The following EZH2 variants were observed in gnomAD, a reference collection of about 807,000 sequenced individuals.
EZH2 encodes the protein histone-lysine N-methyltransferase EZH2.
Under a neutral mutation model 98.4 loss-of-function variants are expected in EZH2, and 18 were observed. The ratio of observed to expected loss-of-function variants is 0.18; its 90% CI spans 0.13 to 0.27. EZH2 has a LOEUF of 0.27. EZH2 is among the 10% of genes least tolerant of loss of function. The pLI is 1.00. For synonymous variants in EZH2, 338 were observed against 312.3 expected (o/e 1.08, Z -0.87); for missense variants, 470 against 935.1 (o/e 0.50, Z 6.49).
intron 1 of EZH2, among the ~76,000 whole-genome samples, chr7:148,863,471 T>A (rs1356899304): frequency 2.0e-5 from 3 of 152,164 alleles, no homozygotes; most frequent in African/African-American, 7.2e-5. Context: ...TGCCTCTGTT[T>A]TCACTTATCT....
At chr7:148,842,682 C>CA (rs755580651) in intron 3 of EZH2, among the ~76,000 whole-genome samples, 9 of 151,998 alleles carry the variant, frequency 5.9e-5, no homozygotes, top group Non-Finnish European at 1.0e-4. Flanking sequence ...TAAAAGTAAA[C>CA]ACATTCTGTA....
intron 15 of EZH2, among the ~76,000 whole-genome samples, chr7:148,813,052 T>TACACACAC (rs142835355): frequency 2.3e-5 from 3 of 132,108 alleles, no homozygotes; most frequent in African/African-American, 3.2e-5. Context: ...ACACCCCACA[T>TACACACAC]ACACACACAC....
intron 17 of EZH2, among the ~76,000 whole-genome samples, chr7:148,809,628 C>G (rs1302761037): frequency 6.8e-6 from 1 of 147,032 alleles, no homozygotes; most frequent in East Asian, 2.0e-4. Context: ...TATTAATTAT[C>G]AACTATAAAC....
At chr7:148,866,594 C>G (rs547179376) in intron 1 of EZH2, among the ~76,000 whole-genome samples, 1 of 108,308 alleles carries the variant, frequency 9.2e-6, no homozygotes, top group South Asian at 2.9e-4. Context: ...ATATTGTATA[C>G]ACTATATATT....
At chr7:148,832,205 C>T (rs1331737943) in intron 4 of EZH2, among the ~76,000 whole-genome samples, 2 of 152,190 alleles carry the variant, frequency 1.3e-5, no homozygotes, top group Non-Finnish European at 2.9e-5. Flanking sequence ...CCACCTCAGC[C>T]TCCTGAGTAG....
intron 1 of EZH2, among the ~76,000 whole-genome samples, chr7:148,878,963 G>A (rs1242716976): frequency 1.3e-5 from 2 of 150,936 alleles, no homozygotes; most frequent in Non-Finnish European, 3.0e-5. Flanking sequence ...AGTAGCTCAC[G>A]CCTGTAATCC....
chr7:148,811,956 G>T, intron 15 of EZH2: 1 of 468,722 alleles, frequency 2.1e-6, no homozygotes, highest in Non-Finnish European at 3.9e-6. Flanking sequence ...AAACCTTTTG[G>T]TGGTGTTGGT....
intron 1 of EZH2, among the ~76,000 whole-genome samples, chr7:148,868,966 AT>A (rs1818933890): frequency 6.6e-6 from 1 of 152,254 alleles, no homozygotes; most frequent in African/African-American, 2.4e-5. Flanking sequence ...GCAAAGGTAA[AT>A]TCTATAAGAA....
intron 11 of EZH2, 99 bp downstream of exon 11, chr7:148,817,123 G>T: frequency 1.8e-6 from 2 of 1,133,242 alleles, no homozygotes; most frequent in Non-Finnish European, 2.4e-6. Context: ...ATGAATAGGA[G>T]CTTAGTAATA....
At chr7:148,835,071 T>C (rs1810518160) in intron 3 of EZH2, among the ~76,000 whole-genome samples, 1 of 152,220 alleles carries the variant, frequency 6.6e-6, no homozygotes, top group African/African-American at 2.4e-5. Flanking sequence ...GTTCTTGCCC[T>C]TGCAATGCTC....
chr7:148,859,538 A>AAC (rs1478337839), intron 1 of EZH2, among the ~76,000 whole-genome samples: 3 of 105,804 alleles, frequency 2.8e-5, no homozygotes, highest in Admixed American at 1.9e-4. Flanking sequence ...ACAACAACAA[A>AAC]GTAAAATGTT....
chr7:148,817,680 G>T, intron 10 of EZH2, 197 bp downstream of exon 10: 1 of 768,496 alleles, frequency 1.3e-6, no homozygotes, highest in Non-Finnish European at 2.1e-6. Context: ...AAACAACCAA[G>T]CAGGGCAAAC....
intron 1 of EZH2, among the ~76,000 whole-genome samples, chr7:148,882,020 G>A (rs73471871): frequency 0.011 from 1,632 of 149,526 alleles, 27 homozygotes; most frequent in African/African-American, 0.038. Context: ...TAAAATATCC[G>A]AATTTCTGCC....
At chr7:148,835,748 G>A (rs943498389) in intron 3 of EZH2, among the ~76,000 whole-genome samples, 7 of 152,112 alleles carry the variant, frequency 4.6e-5, no homozygotes, top group Non-Finnish European at 1.0e-4. Context: ...GGAGTGGGCT[G>A]CCTCTCCGAC....
intron 15 of EZH2, among the ~76,000 whole-genome samples, chr7:148,813,365 C>G (rs886767339): frequency 6.6e-6 from 1 of 151,162 alleles, no homozygotes; most frequent in East Asian, 1.9e-4. Flanking sequence ...TTCCCAAATA[C>G]ATGCTGCTGA....
chr7:148,866,646 A>G (rs1166779195), intron 1 of EZH2, among the ~76,000 whole-genome samples: 1 of 146,896 alleles, frequency 6.8e-6, no homozygotes, highest in African/African-American at 2.5e-5. Context: ...ACATATACAT[A>G]TACGTATATA....
At chr7:148,830,088 AGTCT>A (rs1327689752) in intron 4 of EZH2, among the ~76,000 whole-genome samples, 1 of 152,246 alleles carries the variant, frequency 6.6e-6, no homozygotes, top group African/African-American at 2.4e-5. Context: ...TAATGCACTT[AGTCT>A]GTCATCAATC....
At chr7:148,858,530 A>C (rs953080373) in intron 1 of EZH2, among the ~76,000 whole-genome samples, 12 of 151,832 alleles carry the variant, frequency 7.9e-5, no homozygotes, top group African/African-American at 2.9e-4. Context: ...CTACTTTTTC[A>C]ATTTTTTTGG....
At chr7:148,837,641 T>A (rs1260220631) in intron 3 of EZH2, among the ~76,000 whole-genome samples, 1 of 152,136 alleles carries the variant, frequency 6.6e-6, no homozygotes, top group East Asian at 1.9e-4. Flanking sequence ...AGCTCAATAA[T>A]GGAAGTGAAT....
Sources: gnomAD v4.1 joint callset for allele counts (sites outside exome capture counted in the v4.1 genomes callset) on GRCh38, gnomAD v4.1.1 for gene constraint, MANE v1.5 for transcripts, NCBI Gene and HGNC (gene_info 2026-07-23, HGNC 2026-07-21) for gene names.